KLHDC10: variants seen among roughly 807,000 people sequenced by gnomAD.
KLHDC10 encodes the protein kelch domain-containing protein 10.
In KLHDC10, 24 loss-of-function variants were observed where a neutral mutation model predicts 56.1. That is an observed-to-expected ratio of 0.43 (90% confidence interval 0.31 to 0.60). The LOEUF (loss-of-function observed/expected upper bound fraction) is 0.60, where lower values mean the gene tolerates loss of function less well. Among genes scored for constraint, KLHDC10 ranks in the 20% least tolerant of loss-of-function variants. KLHDC10 has a pLI of 0.11. For synonymous variants in KLHDC10, 188 were observed against 207.1 expected, an observed-to-expected ratio of 0.91 and a Z score of 0.79; for missense variants, 349 against 567.0, an observed-to-expected ratio of 0.62 and a Z score of 3.91.
intron 1 of KLHDC10, among the ~76,000 whole-genome samples, chr7:130,088,372 T>C (rs1453936885): frequency 6.6e-6 from 1 of 151,734 alleles, no homozygotes; most frequent in East Asian, 1.9e-4. Context: ...CCTCCTGGGT[T>C]CAAGCAATTC....
At chr7:130,098,686 ATAAT>A (rs1341471934) in intron 2 of KLHDC10, among the ~76,000 whole-genome samples, 2 of 152,018 alleles carry the variant, frequency 1.3e-5, no homozygotes, top group Non-Finnish European at 1.5e-5. Context: ...TTATATTAAT[ATAAT>A]TAATTATACA....
intron 2 of KLHDC10, among the ~76,000 whole-genome samples, chr7:130,111,995 G>T (rs1368190728): frequency 6.6e-6 from 1 of 152,156 alleles, no homozygotes; most frequent in South Asian, 2.1e-4. Context: ...TATTTGGAAA[G>T]CAGTATGGCC....
chr7:130,075,327 T>G (rs1795483020), intron 1 of KLHDC10, among the ~76,000 whole-genome samples: 1 of 152,120 alleles, frequency 6.6e-6, no homozygotes, highest in Non-Finnish European at 1.5e-5. Flanking sequence ...AATGTAACAG[T>G]TGGTAAAGCT....
At position 130,135,568 on chromosome 7, in the gene KLHDC10, C is replaced by T. The variant is rs1017006080; in HGVS notation, c.*4822C>T. 6.5e-6 allele frequency: 1 copy of T among 154,400 alleles called. No homozygotes were observed. Among genetic ancestry groups the T allele is most frequent in the Admixed American group, 6.5e-5 (1 of 15,288 alleles). 9.6% of individuals were successfully genotyped at this position (154,400 alleles called of 1,614,324 possible). A position where few individuals can be genotyped will look rare whatever the true frequency, so the allele number is the denominator to read the frequency against. On this transcript the variant is annotated 3_prime_UTR_variant, in exon 10 of 10. Transcript: ENST00000335420. Reference sequence around the variant, plus strand: ...CCATATGATCAGGACAGCTTTTCCACTTTACTCGGTTTCCTACAAGCAAGT... The same window carrying T: ...CCATATGATCAGGACAGCTTTTCCATTTTACTCGGTTTCCTACAAGCAAGT...
chr7:130,119,037 C>A (rs1013075881), intron 3 of KLHDC10, among the ~76,000 whole-genome samples: 1 of 147,100 alleles, frequency 6.8e-6, no homozygotes, highest in Admixed American at 6.9e-5. Context: ...TGTAGCAAGA[C>A]CCTGTCTCTT....
chr7:130,121,840 G>T (rs1389899791), intron 4 of KLHDC10, among the ~76,000 whole-genome samples: 1 of 152,200 alleles, frequency 6.6e-6, no homozygotes, highest in East Asian at 1.9e-4. Context: ...TTCCTTTCCA[G>T]TTGAGTAAAG....
rs1031840746 is a variant in KLHDC10 at position 130,131,848 on chromosome 7, T to A, written c.*1102T>A. 6.6e-6 allele frequency: 1 copy of A among 152,200 alleles called. No homozygotes were observed. Among genetic ancestry groups the A allele is most frequent in the Non-Finnish European group, 1.5e-5 (1 of 68,060 alleles). 9.4% of individuals were successfully genotyped at this position (152,200 alleles called of 1,614,324 possible). The stretch of plus-strand genomic sequence containing the variant: ...TTTTCTCAGGCAGTTGGTCCTTGAT[T>A]TTTCCCTTAGCTTGTTGCCTTCTTT... On this transcript the variant is annotated 3_prime_UTR_variant, in exon 10 of 10. Coordinates refer to ENST00000335420, the MANE Select transcript of KLHDC10 (RefSeq NM_014997.4).
rs1017645343 is a variant in KLHDC10, at chr7:130,116,750, T to G, written c.475+84T>G. 61 of 1,126,610 alleles carry G rather than the reference T, an allele frequency of 5.4e-5. No individual in the cohort carries two copies. The highest frequency in any genetic ancestry group is 8.1e-5 in the Non-Finnish European group (60 of 744,876). 69.8% of individuals were successfully genotyped at this position (1,126,610 alleles called of 1,614,324 possible). On this transcript the variant is annotated intron_variant, in intron 3 of 9. Coordinates refer to ENST00000335420, the MANE Select transcript of KLHDC10 (RefSeq NM_014997.4). The surrounding 1 kb of genome is among the most constrained non-coding windows in gnomAD (Gnocchi z 4.8). ...ATGTCCCATATTCCTCATTAATAAT[T>G]TATAACACTATAATGTGATTTCGCC...
intron 1 of KLHDC10, among the ~76,000 whole-genome samples, chr7:130,091,797 T>A (rs1471268416): frequency 1.3e-5 from 2 of 152,198 alleles, no homozygotes; most frequent in African/African-American, 4.8e-5. Context: ...TACCCTTTTC[T>A]TGGGCCTTGT....
At chr7:130,071,991 C>A (rs1308379079) in intron 1 of KLHDC10, among the ~76,000 whole-genome samples, 4 of 152,090 alleles carry the variant, frequency 2.6e-5, no homozygotes, top group Admixed American at 2.6e-4. Flanking sequence ...CATTTATATG[C>A]ATTAAATCGA....
chr7:130,089,446 C>CA lies in KLHDC10; in HGVS notation c.167-7467dup, dbSNP rs544544981. Among the ~76,000 whole-genome samples, 982 of 150,788 alleles carry CA rather than the reference C, an allele frequency of 6.5e-3. 5 individuals are homozygous for CA. The highest frequency in any genetic ancestry group is 0.024 in the Middle Eastern group (7 of 294). On this transcript the variant is annotated intron_variant, in intron 1 of 9. Transcript: ENST00000335420. ...TGTGTCTACTTCTCCCATGCCCCGC[C>CA]AAAAAAAAGAGTATTTATAAGTGCT...
intron 1 of KLHDC10, among the ~76,000 whole-genome samples, chr7:130,081,550 C>T (rs1350188873): frequency 1.3e-5 from 2 of 148,500 alleles, no homozygotes; most frequent in Non-Finnish European, 3.0e-5. Flanking sequence ...AACTCCTGAG[C>T]TCAGGCAGTC....
At chr7:130,091,751 A>G (rs1335871286) in intron 1 of KLHDC10, among the ~76,000 whole-genome samples, 1 of 152,076 alleles carries the variant, frequency 6.6e-6, no homozygotes, top group African/African-American at 2.4e-5. Context: ...CAGTCAGTGC[A>G]TATTTAGACT....
In KLHDC10 at chr7:130,134,728, C is replaced by G. The variant is rs981871986; in HGVS notation, c.*3982C>G. On this transcript the variant is annotated 3_prime_UTR_variant, in exon 10 of 10. Transcript: ENST00000335420. ...CTGATATAGCACAAAAAGCTATTTT[C>G]CTTTATTTTTTGTATTATTTTTTAT... The G allele has an allele frequency of 1.3e-5, 2 of 152,046 alleles. No homozygotes were observed. The highest frequency in any genetic ancestry group is 4.8e-5 in the African/African-American group (2 of 41,398). The allele number at this position is 152,046 out of a possible 1,614,324, so 9.4% of individuals were successfully genotyped here.
intron 9 of KLHDC10, 73 bp downstream of exon 9, chr7:130,129,649 GA>G (rs757321186): frequency 2.8e-6 from 4 of 1,448,470 alleles, no homozygotes; most frequent in South Asian, 1.3e-5. Context: ...ATATTAGCAA[GA>G]AAAAAAGCCA....
In KLHDC10 at chr7:130,120,478, A is replaced by C. The variant is rs1796234024; in HGVS notation, c.476-271A>C. 6.6e-6 allele frequency among the ~76,000 whole-genome samples: 1 copy of C among 152,162 alleles called. No homozygotes were observed. The highest frequency in any genetic ancestry group is 2.1e-4 in the South Asian group (1 of 4,830). ...TGAATATTTGCATTGTACTTAGCATACCAAATCCAAAACTTTGAAATCCAA... is the reference window on the plus strand; with the variant it reads ...TGAATATTTGCATTGTACTTAGCATCCCAAATCCAAAACTTTGAAATCCAA... On this transcript the variant is annotated intron_variant, in intron 3 of 9. Transcript: ENST00000335420. The surrounding 1 kb of genome is among the most constrained non-coding windows in gnomAD (Gnocchi z 5.1).
intron 1 of KLHDC10, among the ~76,000 whole-genome samples, chr7:130,075,523 G>T (rs372087405): frequency 2.6e-5 from 4 of 152,234 alleles, no homozygotes; most frequent in Non-Finnish European, 5.9e-5. Context: ...CCAGGTTCAG[G>T]GGGGACGGGA....
Position 130,130,819 on chromosome 7 carries a change from A to G in KLHDC10, c.*73A>G, listed in dbSNP as rs1796391146. The G allele has an allele frequency of 2.8e-6, 4 of 1,414,288 alleles. No homozygotes were observed. The highest frequency in any genetic ancestry group is 3.0e-6 in the Non-Finnish European group (3 of 1,001,944). The allele number at this position is 1,414,288 out of a possible 1,614,324, so 87.6% of individuals were successfully genotyped here. On this transcript the variant is annotated 3_prime_UTR_variant, in exon 10 of 10. Coordinates refer to ENST00000335420, the MANE Select transcript of KLHDC10 (RefSeq NM_014997.4). This position sits in a 1 kb window ranked among gnomAD's most constrained non-coding sequence, Gnocchi z 4.2. ...CTCCTTTATTTATGGGCAGTGTAGA[A>G]TGTGCTACAAAGAGGATTGGTTACC...
chr7:130,071,383 G>C (rs1342454472), intron 1 of KLHDC10, among the ~76,000 whole-genome samples: 2 of 152,148 alleles, frequency 1.3e-5, no homozygotes, highest in Non-Finnish European at 2.9e-5. Flanking sequence ...TTCAGAGACA[G>C]GATAATGGTG....
Sources: allele counts gnomAD v4.1 joint callset (sites outside exome capture counted in the v4.1 genomes callset), GRCh38; gene constraint gnomAD v4.1.1; non-coding constraint Gnocchi (gnomAD v3.1); transcripts MANE v1.5; gene names NCBI Gene and HGNC (gene_info 2026-07-23, HGNC 2026-07-21).